Variants in RANBP2 observed in about 807,000 individuals in gnomAD.
The protein encoded by RANBP2 is RAN binding protein 2.
RANBP2 carries 57 observed loss-of-function variants against 303.6 expected under a neutral mutation model. That is an observed-to-expected ratio of 0.19 (90% CI 0.15 to 0.23). RANBP2 has a LOEUF of 0.23. RANBP2 is among the 10% of genes least tolerant of loss of function. RANBP2 has a pLI of 1.00. For synonymous variants in RANBP2, 1,167 were observed against 1,301.5 expected, an observed-to-expected ratio of 0.90 and a Z score of 2.23; for missense variants, 3,138 against 3,780.8, an observed-to-expected ratio of 0.83 and a Z score of 4.46.
the RANBP2 span, among the ~76,000 whole-genome samples, chr2:108,880,900 A>G: frequency 1.3e-5 from 2 of 152,216 alleles, no homozygotes; most frequent in East Asian, 3.8e-4. Context: ...CGTAATTTCA[A>G]CTTTCAAGTC....
At chr2:109,463,442 G>T in the RANBP2 span, among the ~76,000 whole-genome samples, 2 of 152,192 alleles carry the variant, frequency 1.3e-5, no homozygotes, top group Non-Finnish European at 2.9e-5. Flanking sequence ...CCACTGTAAG[G>T]TCCGGCCTGT....
At chr2:109,005,894 G>A in the RANBP2 span, among the ~76,000 whole-genome samples, 1 of 152,186 alleles carries the variant, frequency 6.6e-6, no homozygotes, top group African/African-American at 2.4e-5. Flanking sequence ...GGGGAATGGT[G>A]CCCACCGCCT....
chr2:109,539,506 C>T, the RANBP2 span, among the ~76,000 whole-genome samples: 1 of 152,076 alleles, frequency 6.6e-6, no homozygotes, highest in Admixed American at 6.5e-5. Context: ...TGCAGTGGCA[C>T]GATCTTGGCT....
the RANBP2 span, chr2:108,791,577 T>A: frequency 1.0e-4 from 144 of 1,396,828 alleles, no homozygotes; most frequent in Middle Eastern, 2.9e-3. Context: ...TTTTACATTT[T>A]TTCTCAGTTA....
the RANBP2 span, among the ~76,000 whole-genome samples, chr2:108,819,285 G>A: frequency 1.3e-5 from 2 of 152,246 alleles, no homozygotes; most frequent in East Asian, 1.9e-4. Flanking sequence ...TTCCCCTGCC[G>A]GTATAGCGCA....
At chr2:109,263,417 A>G in the RANBP2 span, among the ~76,000 whole-genome samples, 1 of 152,260 alleles carries the variant, frequency 6.6e-6, no homozygotes, top group African/African-American at 2.4e-5. Context: ...TCTGGTTGTA[A>G]AATTCTTGAT....
At chr2:108,994,137 A>C in the RANBP2 span, among the ~76,000 whole-genome samples, 4 of 151,908 alleles carry the variant, frequency 2.6e-5, no homozygotes, top group Admixed American at 2.6e-4. Context: ...CCATTTGCCC[A>C]GGATTCCCCC....
the RANBP2 span, chr2:109,502,203 CGGAAGG>C: frequency 6.7e-6 from 1 of 149,462 alleles, no homozygotes; most frequent in African/African-American, 2.5e-5. Context: ...GGGGGTGCCC[CGGAAGG>C]GGCACCCCAC....
At chr2:108,991,849 C>T in the RANBP2 span, among the ~76,000 whole-genome samples, 6 of 152,178 alleles carry the variant, frequency 3.9e-5, no homozygotes, top group Non-Finnish European at 1.5e-5. Flanking sequence ...CTCTCTCGCC[C>T]AGACTGGAGT....
At chr2:109,165,109 C>T in the RANBP2 span, among the ~76,000 whole-genome samples, 2 of 152,206 alleles carry the variant, frequency 1.3e-5, no homozygotes, top group East Asian at 3.8e-4. Context: ...CTAGTTGTTC[C>T]TGGCTTCCCC....
At chr2:109,433,716 G>A in the RANBP2 span, among the ~76,000 whole-genome samples, 1 of 152,250 alleles carries the variant, frequency 6.6e-6, no homozygotes, top group Admixed American at 6.5e-5. Context: ...TTCAGCCAGG[G>A]CCTCTCTCGA....
the RANBP2 span, chr2:109,127,517 A>G: frequency 6.6e-6 from 1 of 152,206 alleles, no homozygotes; most frequent in South Asian, 2.1e-4. Flanking sequence ...ACAAGTATGA[A>G]TATCACTTTC....
the RANBP2 span, among the ~76,000 whole-genome samples, chr2:109,240,205 A>G: frequency 6.6e-6 from 1 of 152,324 alleles, no homozygotes; most frequent in East Asian, 1.9e-4. Flanking sequence ...CTCACATGCA[A>G]AATCAGGGTT....
At chr2:109,240,851 C>G in the RANBP2 span, among the ~76,000 whole-genome samples, 2 of 150,834 alleles carry the variant, frequency 1.3e-5, no homozygotes, top group East Asian at 3.9e-4. Context: ...CCCCCACCCC[C>G]ACCCCTGCCC....
chr2:109,490,531 A>G, the RANBP2 span: 1 of 1,222,342 alleles, frequency 8.2e-7, no homozygotes, highest in Non-Finnish European at 1.1e-6. Context: ...AGGAAGATGC[A>G]TTCCCCTCTC....
chr2:109,613,859 T>C, the RANBP2 span: 10 of 1,233,294 alleles, frequency 8.1e-6, no homozygotes, highest in Middle Eastern at 9.3e-4. Flanking sequence ...GAAGCGGCTG[T>C]ATCAGCCCGG....
the RANBP2 span, among the ~76,000 whole-genome samples, chr2:109,041,496 T>G: frequency 6.6e-6 from 1 of 151,064 alleles, no homozygotes; most frequent in African/African-American, 2.4e-5. Context: ...TTGCTAAGAG[T>G]TTTAAAAATA....
chr2:109,764,670 T>C, the RANBP2 span, among the ~76,000 whole-genome samples: 459 of 147,198 alleles, frequency 3.1e-3, 25 homozygotes, highest in Middle Eastern at 6.9e-3. Context: ...AAAAATTGAA[T>C]TAAAAAACAA....
At chr2:109,243,543 T>C in the RANBP2 span, among the ~76,000 whole-genome samples, 1 of 152,186 alleles carries the variant, frequency 6.6e-6, no homozygotes, top group Non-Finnish European at 1.5e-5. Flanking sequence ...TACAGGTAAT[T>C]AACACCATGG....
Sources: gnomAD v4.1 joint callset for allele counts (sites outside exome capture counted in the v4.1 genomes callset) on GRCh38, gnomAD v4.1.1 for gene constraint, MANE v1.5 for transcripts, NCBI Gene and HGNC (gene_info 2026-07-23, HGNC 2026-07-21) for gene names.